ADGRA1: variants seen among roughly 807,000 people sequenced by gnomAD.
ADGRA1 encodes the protein G-protein coupled receptor 123.
A neutral mutation model predicts 21.3 loss-of-function variants in ADGRA1; 12 were observed. The observed-to-expected ratio is 0.56, with a 90% CI of 0.36 to 0.91. The LOEUF (loss-of-function observed/expected upper bound fraction) is 0.91, where lower values mean the gene tolerates loss of function less well. Ranked by LOEUF, ADGRA1 falls within the 40% of genes least tolerant of loss-of-function variation. ADGRA1 has a pLI of 0.01. For missense variants in ADGRA1, 790 were observed against 805.6 expected, an observed-to-expected ratio of 0.98 and a Z score of 0.23; for synonymous variants, 385 against 368.8, an observed-to-expected ratio of 1.04 and a Z score of -0.50.
At chr10:133,127,784 T>G (rs1369340440) in intron 6 of ADGRA1, among the ~76,000 whole-genome samples, 1 of 5,346 alleles carries the variant, frequency 1.9e-4, no homozygotes, top group Non-Finnish European at 3.6e-4. Flanking sequence ...CAGCTCCACC[T>G]CCGCCTGGCC....
At chr10:133,116,324 G>A (rs928088448) in intron 5 of ADGRA1, among the ~76,000 whole-genome samples, 18 of 151,450 alleles carry the variant, frequency 1.2e-4, no homozygotes, top group Middle Eastern at 3.2e-3. Context: ...GCTCCCAGCC[G>A]CCCTCCCCGC....
In ADGRA1 at chr10:133,128,602, C is replaced by T. The variant is rs773807467; in HGVS notation, c.774C>T (p.Ala258=). The T allele has an allele frequency of 8.1e-6, 13 of 1,598,324 alleles. No individual in the cohort carries two copies. The highest frequency in any genetic ancestry group is 1.7e-4 in the Middle Eastern group (1 of 6,058). The change falls in exon 7 of 7, where the codon GCC becomes GCT. Residue 258 remains alanine, a synonymous_variant. Coordinates refer to ENST00000392607, the MANE Select transcript of ADGRA1 (RefSeq NM_001083909.3). ...NEHSFQAQLR[A]AAFTLFLFTA... The stretch of plus-strand genomic sequence containing the variant: ...ACTCATTCCAGGCACAGCTGCGCGC[C>T]GCCGCCTTCACGCTGTTCCTGTTCA...
At chr10:133,104,042 G>A (rs1000119936) in intron 5 of ADGRA1, among the ~76,000 whole-genome samples, 5 of 152,236 alleles carry the variant, frequency 3.3e-5, no homozygotes, top group South Asian at 2.1e-4. Flanking sequence ...CGGTGCTGGC[G>A]CACGGACACC....
intron 5 of ADGRA1, among the ~76,000 whole-genome samples, chr10:133,105,352 C>T (rs958119842): frequency 1.3e-5 from 2 of 152,184 alleles, no homozygotes; most frequent in South Asian, 2.1e-4. Context: ...TGTAAGCCCC[C>T]GTCCCCGGCC....
chr10:133,128,459 C>A lies in ADGRA1; in HGVS notation c.631C>A (p.Leu211Met). The A allele has an allele frequency of 6.3e-7, 1 of 1,594,774 alleles. No homozygotes were observed. Among genetic ancestry groups the A allele is most frequent in the Non-Finnish European group, 8.5e-7 (1 of 1,172,132 alleles). Residue 211 changes from leucine to methionine, a missense_variant, in exon 7 of 7, where the codon CTG becomes ATG. By Grantham distance (15) the Leu-to-Met change is conservative. This residue lies in a region of ADGRA1 where 382 missense variants were observed against 415.6 expected (regional missense o/e 0.92). Transcript: ENST00000392607. Reference protein sequence around the residue: ...LRRHPGRRYELRTQPEEQRRL... With the variant: ...LRRHPGRRYEMRTQPEEQRRL... ...GCGCCACCCAGGGCGCAGGTACGAG[C>A]TGCGCACACAGCCCGAGGAGCAGCG...
intron 2 of ADGRA1, chr10:133,095,856 C>T: frequency 1.3e-6 from 2 of 1,529,696 alleles, no homozygotes; most frequent in Non-Finnish European, 1.8e-6. Flanking sequence ...CAGCCGGAGC[C>T]ATCCCAGAGG....
chr10:133,090,560 A>G (rs763339120), intron 2 of ADGRA1, among the ~76,000 whole-genome samples: 4 of 152,326 alleles, frequency 2.6e-5, no homozygotes, highest in Non-Finnish European at 5.9e-5. Context: ...TTCACAGCGT[A>G]GTGTGACAGC....
At chr10:133,093,102 C>T (rs377177792) in intron 2 of ADGRA1, 31 of 1,596,816 alleles carry the variant, frequency 1.9e-5, no homozygotes, top group Middle Eastern at 3.3e-4. Flanking sequence ...GACCTAGCCC[C>T]GGACACCTCA....
At chr10:133,105,507 T>C (rs1400056268) in intron 5 of ADGRA1, among the ~76,000 whole-genome samples, 1 of 152,038 alleles carries the variant, frequency 6.6e-6, no homozygotes, top group African/African-American at 2.4e-5. Context: ...TTGGCCCACA[T>C]GCAACGGCCA....
At chr10:133,121,627 A>T (rs542000395) in intron 5 of ADGRA1, among the ~76,000 whole-genome samples, 1 of 70,376 alleles carries the variant, frequency 1.4e-5, no homozygotes, top group African/African-American at 5.8e-5. Flanking sequence ...TGTGTGTGTG[A>T]TGTGTGCCAG....
intron 4 of ADGRA1, among the ~76,000 whole-genome samples, chr10:133,101,575 C>A (rs1185506224): frequency 6.6e-6 from 1 of 152,234 alleles, no homozygotes; most frequent in African/African-American, 2.4e-5. Context: ...TGCCACCCTC[C>A]TCAGCGCCCC....
chr10:133,095,646 C>G, intron 2 of ADGRA1: 1 of 1,592,402 alleles, frequency 6.3e-7, no homozygotes, highest in South Asian at 1.1e-5. Flanking sequence ...CCCTTGGCTC[C>G]CCAGAGCACC....
rs1852501252 is a variant in ADGRA1 at position 133,130,709 on chromosome 10, A to G, written c.*1198A>G. 1 of 151,820 alleles carries G rather than the reference A, an allele frequency of 6.6e-6. No individual in the cohort carries two copies. The allele number at this position is 151,820 out of a possible 1,614,324, so 9.4% of individuals were successfully genotyped here. A position where few individuals can be genotyped will look rare whatever the true frequency, so the allele number is the denominator to read the frequency against. On this transcript the variant is annotated 3_prime_UTR_variant, in exon 7 of 7. Coordinates refer to ENST00000392607, the MANE Select transcript of ADGRA1 (RefSeq NM_001083909.3). Reference sequence around the variant, plus strand: ...CATGCACACACACAAACACATGTGCATATCACACACGCGCACACACCCAAA... The same window carrying G: ...CATGCACACACACAAACACATGTGCGTATCACACACGCGCACACACCCAAA...
rs1179826364 is a variant in ADGRA1, at chr10:133,088,764, C to A, written c.-146C>A. On this transcript the variant is annotated 5_prime_UTR_variant, in exon 2 of 7. Coordinates refer to ENST00000392607, the MANE Select transcript of ADGRA1 (RefSeq NM_001083909.3). ...GCCGCGGTCACCCTGAGGCCAGGGG[C>A]CCGGGAGCGCGACCTCCTGGCCGCC... is the stretch of plus-strand genomic sequence containing the variant. The A allele has an allele frequency of 2.0e-5, 25 of 1,231,354 alleles. No homozygotes were observed. In the East Asian group the frequency reaches 7.6e-4, roughly 37 times the overall value. 76.3% of individuals were successfully genotyped at this position (1,231,354 alleles called of 1,614,324 possible). A position where few individuals can be genotyped will look rare whatever the true frequency, so the allele number is the denominator to read the frequency against.
chr10:133,100,807 G>A (rs374898333), intron 4 of ADGRA1, among the ~76,000 whole-genome samples: 5 of 152,208 alleles, frequency 3.3e-5, no homozygotes, highest in East Asian at 3.9e-4. Context: ...CTGTGAAGCC[G>A]CGTTCCAGAA....
chr10:133,107,536 A>G (rs1851915307), intron 5 of ADGRA1, among the ~76,000 whole-genome samples: 1 of 152,088 alleles, frequency 6.6e-6, no homozygotes, highest in South Asian at 2.1e-4. Flanking sequence ...TTCTTCTGTT[A>G]GCATTGGATT....
At position 133,115,415 on chromosome 10, in the gene ADGRA1, G is replaced by A. The variant is rs575731792; in HGVS notation, c.402-11818G>A. On this transcript the variant is annotated intron_variant, in intron 5 of 6. Coordinates refer to ENST00000392607, the MANE Select transcript of ADGRA1 (RefSeq NM_001083909.3). ...CAAGGCCTCTGCACCTGTGAAAGCC[G>A]GGCCCTGGATCTGGCCAAAGAACAG... Among the ~76,000 whole-genome samples, 23 of 152,338 alleles carry A rather than the reference G, an allele frequency of 1.5e-4. 1 individual carries two copies. The highest frequency in any genetic ancestry group is 5.3e-4 in the African/African-American group (22 of 41,582).
intron 5 of ADGRA1, among the ~76,000 whole-genome samples, chr10:133,111,009 C>T (rs1320651439): frequency 2.0e-5 from 3 of 152,108 alleles, no homozygotes; most frequent in African/African-American, 7.2e-5. Context: ...TGTGGCTGAA[C>T]TGGGGAGGTT....
chr10:133,096,873 G>A (rs1466653542), intron 2 of ADGRA1, 101 bp from the exon 3 acceptor site: 12 of 1,405,538 alleles, frequency 8.5e-6, no homozygotes, highest in Middle Eastern at 1.9e-4. Context: ...TGCCTGGAGC[G>A]GCTGCAGGGG....
Sources: gnomAD v4.1 joint callset for allele counts (sites outside exome capture counted in the v4.1 genomes callset) on GRCh38, gnomAD v4.1.1 for gene constraint, gnomAD v4.1.1 regional missense constraint, MANE v1.5 for transcripts, NCBI Gene and HGNC (gene_info 2026-07-23, HGNC 2026-07-21) for gene names.